The following ZNF267 variants were observed in gnomAD, a reference collection of about 807,000 sequenced individuals.
The protein encoded by ZNF267 is zinc finger (C2H2).
ZNF267 carries 61 observed loss-of-function variants against 71.6 expected under a neutral mutation model. That is an observed-to-expected ratio of 0.85 (90% CI 0.69 to 1.05). The LOEUF (loss-of-function observed/expected upper bound fraction) is 1.05, where lower values mean the gene tolerates loss of function less well. Among genes scored for constraint, ZNF267 ranks in the 50% least tolerant of loss-of-function variants. ZNF267 has a pLI of 0.00. For missense variants in ZNF267, 852 were observed against 870.0 expected (o/e 0.98, Z 0.26); for synonymous variants, 288 against 293.2 (o/e 0.98, Z 0.18).
chr16:31,906,098 G>A lies in ZNF267; in HGVS notation c.227-8378G>A, dbSNP rs543484552. 2.8e-3 allele frequency among the ~76,000 whole-genome samples: 426 copies of A among 152,274 alleles called. 9 individuals carry two copies. The highest frequency in any genetic ancestry group is 9.7e-3 in the African/African-American group (405 of 41,554). ...TCAGCAGTGGTGGCTGCTGAACAGC[G>A]GATATTGGTGAACCGCAAATGCTGC... On this transcript the variant is annotated intron_variant, in intron 3 of 3. Transcript: ENST00000300870.
At chr16:31,879,911 C>G (rs1440335535) in intron 1 of ZNF267, among the ~76,000 whole-genome samples, 1 of 152,172 alleles carries the variant, frequency 6.6e-6, no homozygotes, top group Non-Finnish European at 1.5e-5. Flanking sequence ...AAGGTGCATG[C>G]CACTTCCCTG....
chr16:31,903,841 T>C (rs2084063371), intron 3 of ZNF267, among the ~76,000 whole-genome samples: 2 of 152,202 alleles, frequency 1.3e-5, no homozygotes, highest in South Asian at 2.1e-4. Flanking sequence ...TTTGAATGTG[T>C]TTGCTCTTGC....
In ZNF267 at chr16:31,915,938, T is replaced by G. The variant is rs757142983; in HGVS notation, c.1689T>G (p.Leu563=). The change falls in exon 4 of 4, where the codon CTT becomes CTG. Residue 563 remains leucine, a synonymous_variant. Transcript: ENST00000300870. ...CGKAFPYSSH[L]IRHHRIHTGE... ...AAGCCTTTCCTTATAGTTCACACCT[T>G]ATTCGACATCATCGAATTCATACTG... 1.9e-6 allele frequency: 3 copies of G among 1,613,482 alleles called. No homozygotes were observed. Among genetic ancestry groups the G allele is most frequent in the South Asian group, 1.1e-5 (1 of 91,056 alleles).
chr16:31,913,801 C>T (rs2084152550), intron 3 of ZNF267: 1 of 152,312 alleles, frequency 6.6e-6, no homozygotes, highest in African/African-American at 2.4e-5. Flanking sequence ...CTTCAGTCAG[C>T]TTATGATGAC....
intron 3 of ZNF267, among the ~76,000 whole-genome samples, chr16:31,901,321 T>C (rs989654608): frequency 1.3e-5 from 2 of 152,038 alleles, no homozygotes; most frequent in Non-Finnish European, 2.9e-5. Flanking sequence ...TACCCAGTAA[T>C]GGGATGGCTG....
intron 3 of ZNF267, among the ~76,000 whole-genome samples, chr16:31,905,824 T>A (rs2084085272): frequency 6.6e-6 from 1 of 152,182 alleles, no homozygotes; most frequent in South Asian, 2.1e-4. Context: ...TTCCATTGAT[T>A]TTGAGGAGCT....
At chr16:31,882,950 T>G (rs2083900038) in intron 1 of ZNF267, among the ~76,000 whole-genome samples, 1 of 152,228 alleles carries the variant, frequency 6.6e-6, no homozygotes, top group Non-Finnish European at 1.5e-5. Flanking sequence ...TCCCATTTCT[T>G]TTTGGTTTCC....
At chr16:31,893,283 T>G (rs2083973947) in intron 3 of ZNF267, among the ~76,000 whole-genome samples, 1 of 152,224 alleles carries the variant, frequency 6.6e-6, no homozygotes, top group Non-Finnish European at 1.5e-5. Flanking sequence ...GTCCCTAGGC[T>G]GCAGGCAGCA....
At chr16:31,889,069 G>A (rs2083942638) in intron 3 of ZNF267, among the ~76,000 whole-genome samples, 1 of 150,274 alleles carries the variant, frequency 6.7e-6, no homozygotes. Context: ...ATCTTTTTTT[G>A]TTATGTAATT....
intron 3 of ZNF267, among the ~76,000 whole-genome samples, chr16:31,892,001 C>A (rs971805451): frequency 2.0e-5 from 3 of 152,108 alleles, no homozygotes; most frequent in Non-Finnish European, 4.4e-5. Context: ...TGGTTTTGAC[C>A]AAAATGCTGA....
Position 31,915,654 on chromosome 16 carries a change from T to G in ZNF267, c.1405T>G (p.Cys469Gly). The G allele has an allele frequency of 6.2e-7, 1 of 1,613,952 alleles. No individual in the cohort carries two copies. Among genetic ancestry groups the G allele is most frequent in the Non-Finnish European group, 8.5e-7 (1 of 1,179,982 alleles). The stretch of plus-strand genomic sequence containing the variant: ...AGAAAAACTTTACAAATGTAAAGTA[T>G]GTAGCAAATCTTATGCTCGTTCTTC... ...TGEKLYKCKVCSKSYARSSNL... is the reference protein window; with the variant it reads ...TGEKLYKCKVGSKSYARSSNL... Residue 469 changes from cysteine to glycine, a missense_variant, in exon 4 of 4, where the codon TGT (cysteine) becomes GGT (glycine). Transcript: ENST00000300870.
rs778284146 is a variant in ZNF267, at chr16:31,884,636, T to C, written c.130+12T>C. 49 of 1,607,054 alleles carry C rather than the reference T, an allele frequency of 3.0e-5. No homozygotes were observed. The South Asian group carries it at 3.6e-4, about 12-fold the overall frequency. On this transcript the variant is annotated intron_variant, in intron 2 of 3. Transcript: ENST00000300870. ...CCTGGTCTCTCTGGGTGAGGATAAC[T>C]TGCCTTCGGAATATCTAATAACTAA... is the stretch of plus-strand genomic sequence containing the variant.
chr16:31,874,155 G>C, intron 1 of ZNF267, 186 bp downstream of exon 1: 1 of 625,342 alleles, frequency 1.6e-6, no homozygotes, highest in Non-Finnish European at 2.8e-6. Context: ...CGGCAGCCGG[G>C]ACCCCGCGTG....
At chr16:31,894,385 G>A (rs1181502734) in intron 3 of ZNF267, among the ~76,000 whole-genome samples, 1 of 152,028 alleles carries the variant, frequency 6.6e-6, no homozygotes, top group Non-Finnish European at 1.5e-5. Context: ...ACCATCAGAA[G>A]ATCTCTTTCC....
At chr16:31,897,147 CA>C (rs887417873) in intron 3 of ZNF267, among the ~76,000 whole-genome samples, 5 of 122,516 alleles carry the variant, frequency 4.1e-5, no homozygotes, top group African/African-American at 1.4e-4. Context: ...AAAAACAAAA[CA>C]AAACAAAACA....
intron 3 of ZNF267, among the ~76,000 whole-genome samples, chr16:31,905,579 G>A (rs1466882214): frequency 1.3e-5 from 2 of 151,924 alleles, no homozygotes; most frequent in East Asian, 1.9e-4. Context: ...TGATCGAATC[G>A]GCTACTGAGG....
In ZNF267 at chr16:31,885,166, G is replaced by A; in HGVS notation, c.136G>A (p.Val46Ile). The change falls in exon 3 of 4, where the codon GTT (valine) becomes ATT (isoleucine). Residue 46 changes from valine to isoleucine, a missense_variant. By Grantham distance (29) the Val-to-Ile change is conservative. Coordinates refer to ENST00000300870, the MANE Select transcript of ZNF267 (RefSeq NM_003414.6). ...NYRNLVSLGL[V>I]VSKPDLITFL... Reference sequence around the variant, plus strand: ...GAATTTTTCCAATAAAACAGGTCTTGTTGTCTCTAAGCCGGACCTGATCAC... The same window carrying A: ...GAATTTTTCCAATAAAACAGGTCTTATTGTCTCTAAGCCGGACCTGATCAC... 6.2e-7 allele frequency: 1 copy of A among 1,604,790 alleles called. No individual in the cohort carries two copies. The highest frequency in any genetic ancestry group is 1.3e-5 in the African/African-American group (1 of 74,632).
chr16:31,877,595 T>G (rs1349607425), intron 1 of ZNF267, among the ~76,000 whole-genome samples: 1 of 152,088 alleles, frequency 6.6e-6, no homozygotes, highest in Non-Finnish European at 1.5e-5. Flanking sequence ...AATACAAAGT[T>G]TTGTTAAGTA....
At chr16:31,894,580 A>T in intron 3 of ZNF267, 1 of 493,808 alleles carries the variant, frequency 2.0e-6, no homozygotes, top group South Asian at 1.6e-5. Context: ...CTTTTCATCC[A>T]GAGCTTTGTG....
Sources: allele counts gnomAD v4.1 joint callset (sites outside exome capture counted in the v4.1 genomes callset), GRCh38; gene constraint gnomAD v4.1.1; transcripts MANE v1.5; gene names NCBI Gene and HGNC (gene_info 2026-07-23, HGNC 2026-07-21).